CUX2: variants seen among roughly 807,000 people sequenced by gnomAD.
The protein encoded by CUX2 is homeobox protein cut-like 2.
CUX2 carries 40 observed loss-of-function variants against 144.8 expected under a neutral mutation model. The ratio of observed to expected loss-of-function variants is 0.28; its 90% CI spans 0.21 to 0.36. The LOEUF is 0.36. CUX2 is among the 10% of genes least tolerant of loss of function. The pLI is 1.00. For synonymous variants in CUX2, 827 were observed against 875.6 expected (o/e 0.94, Z 0.98); for missense variants, 1,615 against 1,994.0 (o/e 0.81, Z 3.62).
At chr12:111,311,689 C>T (rs1751923471) in intron 15 of CUX2, among the ~76,000 whole-genome samples, 3 of 151,500 alleles carry the variant, frequency 2.0e-5, no homozygotes, top group African/African-American at 7.3e-5. Context: ...ACCACCGCCT[C>T]CTGGGTTCAA....
intron 1 of CUX2, among the ~76,000 whole-genome samples, chr12:111,198,999 T>A (rs555173319): frequency 3.3e-4 from 50 of 152,192 alleles, no homozygotes; most frequent in African/African-American, 1.1e-3. Flanking sequence ...AGAGAAGAGA[T>A]GATTCACGTT....
chr12:111,200,532 A>T (rs767910206), intron 1 of CUX2, among the ~76,000 whole-genome samples: 7 of 151,896 alleles, frequency 4.6e-5, no homozygotes, highest in Non-Finnish European at 8.8e-5. Flanking sequence ...GGAGGCTAGG[A>T]TGGGAGCTTC....
In CUX2 at chr12:111,077,010, A is replaced by C. The variant is rs1399120450; in HGVS notation, c.63+42770A>C. On this transcript the variant is annotated intron_variant, in intron 1 of 21. Transcript: ENST00000261726. This position sits in a 1 kb window ranked among gnomAD's most constrained non-coding sequence, Gnocchi z 4.1. The stretch of plus-strand genomic sequence containing the variant: ...AAACGGCCAAAGGATGGCTCTTTTC[A>C]TCTCCTCTTTTAAACAGTCCCATTG... Among the ~76,000 whole-genome samples the C allele has an allele frequency of 1.3e-5, 2 of 152,176 alleles. No individual in the cohort carries two copies. The highest frequency in any genetic ancestry group is 4.8e-5 in the African/African-American group (2 of 41,442).
chr12:111,054,656 T>C (rs1416545136), intron 1 of CUX2, among the ~76,000 whole-genome samples: 2 of 152,196 alleles, frequency 1.3e-5, no homozygotes, highest in Non-Finnish European at 2.9e-5. Context: ...AGATGGAGTC[T>C]CACTCTGTCA....
At chr12:111,210,685 T>C (rs1340381687) in intron 1 of CUX2, among the ~76,000 whole-genome samples, 2 of 151,796 alleles carry the variant, frequency 1.3e-5, no homozygotes, top group Non-Finnish European at 2.9e-5. Context: ...TAGTCACAGC[T>C]ACTAGGGAGG....
chr12:111,110,417 C>A (rs1025672778), intron 1 of CUX2, among the ~76,000 whole-genome samples: 11 of 152,150 alleles, frequency 7.2e-5, no homozygotes, highest in African/African-American at 2.2e-4. Context: ...CCAGACCAGA[C>A]AAATGCCATA....
intron 1 of CUX2, among the ~76,000 whole-genome samples, chr12:111,179,386 C>T (rs1165094869): frequency 1.3e-5 from 2 of 152,184 alleles, no homozygotes; most frequent in African/African-American, 4.8e-5. Context: ...GATGGGGACA[C>T]CAAGCACCCA....
chr12:111,294,600 A>G (rs183439466), intron 6 of CUX2, among the ~76,000 whole-genome samples: 9,209 of 145,260 alleles, frequency 0.063, 290 homozygotes, highest in South Asian at 0.12. Context: ...AAAAAAAAAA[A>G]AAAGAAAGAA....
intron 6 of CUX2, among the ~76,000 whole-genome samples, chr12:111,294,585 CAAAAAA>C (rs35222521): frequency 1.0e-5 from 1 of 100,036 alleles, no homozygotes; most frequent in South Asian, 2.7e-4. Context: ...CCTATCTTTT[CAAAAAA>C]AAAAAAAAAA....
At position 111,308,273 on chromosome 12, in the gene CUX2, T is replaced by G; in HGVS notation, c.1110-12T>G. 1 of 1,613,926 alleles carries G rather than the reference T, an allele frequency of 6.2e-7. No individual in the cohort carries two copies. Reference sequence around the variant, plus strand: ...CTGGCTGACCTCAGACCCTCTCCACTTGCTCTGGCAGCATCCTGAAAGCCA... The same window carrying G: ...CTGGCTGACCTCAGACCCTCTCCACGTGCTCTGGCAGCATCCTGAAAGCCA... On this transcript the variant is annotated splice_polypyrimidine_tract_variant and intron_variant, in intron 12 of 21. Coordinates refer to ENST00000261726, the MANE Select transcript of CUX2 (RefSeq NM_015267.4).
chr12:111,148,691 A>T (rs1315883252), intron 1 of CUX2, among the ~76,000 whole-genome samples: 1 of 152,176 alleles, frequency 6.6e-6, no homozygotes, highest in African/African-American at 2.4e-5. Flanking sequence ...GAAGAAGTAG[A>T]TACTATTAAG....
At position 111,245,120 on chromosome 12, in the gene CUX2, T is replaced by C. The variant is rs146847902; in HGVS notation, c.223-18641T>C. Among the ~76,000 whole-genome samples the C allele has an allele frequency of 6.0e-4, 91 of 152,330 alleles. 1 individual carries two copies. Among genetic ancestry groups the C allele is most frequent in the African/African-American group, 2.1e-3 (88 of 41,586 alleles). On this transcript the variant is annotated intron_variant, in intron 3 of 21. Coordinates refer to ENST00000261726, the MANE Select transcript of CUX2 (RefSeq NM_015267.4). ...AGCATAGGGGATACAGCACCATTTG[T>C]ATTTCCAACCCAAGGTGAACTGTTC...
At position 111,307,148 on chromosome 12, in the gene CUX2, C is replaced by T. The variant is rs1428490578; in HGVS notation, c.1050+36C>T. On this transcript the variant is annotated intron_variant, in intron 11 of 21. Coordinates refer to ENST00000261726, the MANE Select transcript of CUX2 (RefSeq NM_015267.4). This position sits in a 1 kb window ranked among gnomAD's most constrained non-coding sequence, Gnocchi z 4.1. ...GGGAGGAGGCAGGCGGGCAGGCGGCCCCATGCAGAAGCACACAGACCAGCC... is the reference window on the plus strand; with the variant it reads ...GGGAGGAGGCAGGCGGGCAGGCGGCTCCATGCAGAAGCACACAGACCAGCC... 1 of 1,613,694 alleles carries T rather than the reference C, an allele frequency of 6.2e-7. No homozygotes were observed. Among genetic ancestry groups the T allele is most frequent in the Non-Finnish European group, 8.5e-7 (1 of 1,179,762 alleles).
intron 1 of CUX2, among the ~76,000 whole-genome samples, chr12:111,072,851 A>G (rs1318056533): frequency 2.0e-5 from 3 of 152,208 alleles, no homozygotes; most frequent in Non-Finnish European, 4.4e-5. Context: ...GGGCACACAC[A>G]TTGCAGAAGT....
At chr12:111,156,446 C>T (rs936308464) in intron 1 of CUX2, among the ~76,000 whole-genome samples, 1 of 152,180 alleles carries the variant, frequency 6.6e-6, no homozygotes, top group Non-Finnish European at 1.5e-5. Context: ...TTTTCTAGAA[C>T]CTGTTTTTCA....
chr12:111,340,869 T>C (rs896170765), intron 20 of CUX2, among the ~76,000 whole-genome samples: 32 of 152,144 alleles, frequency 2.1e-4, no homozygotes, highest in African/African-American at 7.7e-4. Context: ...TTTACCTCTT[T>C]TAAAAAGTTC....
At chr12:111,121,810 G>T (rs1357194205) in intron 1 of CUX2, among the ~76,000 whole-genome samples, 1 of 151,952 alleles carries the variant, frequency 6.6e-6, no homozygotes, top group African/African-American at 2.4e-5. Flanking sequence ...TTATAGGTAT[G>T]AATCTGACAG....
At chr12:111,176,517 G>A (rs937836636) in intron 1 of CUX2, among the ~76,000 whole-genome samples, 1 of 152,114 alleles carries the variant, frequency 6.6e-6, no homozygotes, top group Non-Finnish European at 1.5e-5. Context: ...ATGGGGCTGT[G>A]GGCAGGATTA....
At chr12:111,187,656 A>G (rs905721474) in intron 1 of CUX2, among the ~76,000 whole-genome samples, 5 of 152,262 alleles carry the variant, frequency 3.3e-5, no homozygotes, top group South Asian at 4.1e-4. Flanking sequence ...TCTGTGCACA[A>G]CAGGCCGGCT....
Sources: allele counts gnomAD v4.1 joint callset (sites outside exome capture counted in the v4.1 genomes callset), GRCh38; gene constraint gnomAD v4.1.1; non-coding constraint Gnocchi (gnomAD v3.1); transcripts MANE v1.5; gene names NCBI Gene and HGNC (gene_info 2026-07-23, HGNC 2026-07-21).